The following BLCAP variants were observed in gnomAD, a reference collection of about 807,000 sequenced individuals.
BLCAP encodes the protein BLCAP apoptosis inducing factor.
In BLCAP, 1 loss-of-function variant was observed where a neutral mutation model predicts 5.7. That is an observed-to-expected ratio of 0.18 (90% CI 0.06 to 0.83). BLCAP has a LOEUF of 0.83. BLCAP is among the 40% of genes least tolerant of loss of function. The pLI is 0.71. For synonymous variants in BLCAP, 48 were observed against 49.4 expected, an observed-to-expected ratio of 0.97 and a Z score of 0.11; for missense variants, 66 against 107.6, an observed-to-expected ratio of 0.61 and a Z score of 1.71.
chr20:37,524,606 G>C (rs1198819168), intron 1 of BLCAP: 2 of 152,272 alleles, frequency 1.3e-5, no homozygotes, highest in African/African-American at 4.8e-5. Flanking sequence ...GGAGTTGGAG[G>C]GCCATAAATC....
intron 1 of BLCAP, among the ~76,000 whole-genome samples, chr20:37,526,432 T>A (rs77381078): frequency 0.021 from 3,237 of 152,128 alleles, 115 homozygotes; most frequent in East Asian, 0.093. Flanking sequence ...CTGGGAGTGA[T>A]CCTGTTTATC....
intron 1 of BLCAP, among the ~76,000 whole-genome samples, chr20:37,519,701 C>T (rs1201166153): frequency 6.6e-6 from 1 of 152,176 alleles, no homozygotes; most frequent in African/African-American, 2.4e-5. Flanking sequence ...GGCTGCAGCC[C>T]GTCCTCAAGG....
At chr20:37,526,278 C>CG (rs986644879) in intron 1 of BLCAP, among the ~76,000 whole-genome samples, 1 of 148,178 alleles carries the variant, frequency 6.7e-6, no homozygotes, top group Non-Finnish European at 1.5e-5. Context: ...ACTTCCCCCC[C>CG]CCACCGCCCC....
In BLCAP at chr20:37,521,256, C is replaced by A; in HGVS notation, c.-176-1906G>T. On this transcript the variant is annotated intron_variant, in intron 1 of 1. Coordinates refer to ENST00000373537, the MANE Select transcript of BLCAP (RefSeq NM_006698.4). This position sits in a 1 kb window ranked among gnomAD's most constrained non-coding sequence, Gnocchi z 4.5. ...CGGCCACCGCGGCTGCGGCAGTGCG[C>A]CCAACAGCGGACTCCGAGACCAGCG... 1 of 1,502,320 alleles carries A rather than the reference C, an allele frequency of 6.7e-7. No homozygotes were observed. Among genetic ancestry groups the A allele is most frequent in the Non-Finnish European group, 9.3e-7 (1 of 1,079,538 alleles). 93.1% of individuals were successfully genotyped at this position (1,502,320 alleles called of 1,614,324 possible). A position where few individuals can be genotyped will look rare whatever the true frequency, so the allele number is the denominator to read the frequency against.
chr20:37,517,706 C>T lies in BLCAP; in HGVS notation c.*1205G>A, dbSNP rs139124288. The T allele has an allele frequency of 1.4e-3, 211 of 152,736 alleles. 2 individuals are homozygous for T. Among genetic ancestry groups the T allele is most frequent in the African/African-American group, 4.8e-3 (198 of 41,570 alleles). The allele number at this position is 152,736 out of a possible 1,614,324, so 9.5% of individuals were successfully genotyped here. A position where few individuals can be genotyped will look rare whatever the true frequency, so the allele number is the denominator to read the frequency against. ...TGTTACTGAAGCGCAGAAAAAGCAG[C>T]AAGTGACAGTCACAAAGTCTTCCTG... On this transcript the variant is annotated 3_prime_UTR_variant, in exon 2 of 2. Coordinates refer to ENST00000373537, the MANE Select transcript of BLCAP (RefSeq NM_006698.4).
At position 37,518,544 on chromosome 20, in the gene BLCAP, G is replaced by A; in HGVS notation, c.*367C>T. 1 of 203,766 alleles carries A rather than the reference G, an allele frequency of 4.9e-6. No homozygotes were observed. Among genetic ancestry groups the A allele is most frequent in the Non-Finnish European group, 1.0e-5 (1 of 98,968 alleles). 12.6% of individuals were successfully genotyped at this position (203,766 alleles called of 1,614,324 possible). A position where few individuals can be genotyped will look rare whatever the true frequency, so the allele number is the denominator to read the frequency against. ...AAGGAAGGAGACCCTGACAAGGAGGGGTCACAGAGGTGACAATGAGACTGG... is the reference window on the plus strand; with the variant it reads ...AAGGAAGGAGACCCTGACAAGGAGGAGTCACAGAGGTGACAATGAGACTGG... On this transcript the variant is annotated 3_prime_UTR_variant, in exon 2 of 2. Coordinates refer to ENST00000373537, the MANE Select transcript of BLCAP (RefSeq NM_006698.4).
At position 37,521,385 on chromosome 20, in the gene BLCAP, C is replaced by G; in HGVS notation, c.-176-2035G>C. On this transcript the variant is annotated intron_variant, in intron 1 of 1. Transcript: ENST00000373537. This position sits in a 1 kb window ranked among gnomAD's most constrained non-coding sequence, Gnocchi z 4.5. ...AACTGCTCATCATCGGCTGGTACAT[C>G]TTCCGCGTGCTGCTGCAGGTAAGTC... 1.2e-6 allele frequency: 2 copies of G among 1,614,120 alleles called. No individual in the cohort carries two copies. Among genetic ancestry groups the G allele is most frequent in the Non-Finnish European group, 1.7e-6 (2 of 1,179,970 alleles).
At chr20:37,525,460 A>C (rs1568688385) in intron 1 of BLCAP, among the ~76,000 whole-genome samples, 1 of 152,184 alleles carries the variant, frequency 6.6e-6, no homozygotes, top group African/African-American at 2.4e-5. Context: ...CTTTTCCTCC[A>C]TCCGTCCATC....
At chr20:37,525,450 C>T (rs1246480438) in intron 1 of BLCAP, among the ~76,000 whole-genome samples, 3 of 152,320 alleles carry the variant, frequency 2.0e-5, no homozygotes, top group South Asian at 4.1e-4. Flanking sequence ...TGGCAAAGCC[C>T]TTTTCCTCCA....
Position 37,521,538 on chromosome 20 carries a change from C to A in BLCAP, c.-176-2188G>T. On this transcript the variant is annotated intron_variant, in intron 1 of 1. Coordinates refer to ENST00000373537, the MANE Select transcript of BLCAP (RefSeq NM_006698.4). This position sits in a 1 kb window ranked among gnomAD's most constrained non-coding sequence, Gnocchi z 4.5. ...GCGATCCTTGCCTGCCCAAGTGCCG[C>A]TGCCGGCACCGCGCGCCCCCTGCCC... The A allele has an allele frequency of 1.1e-6, 1 of 881,908 alleles. No homozygotes were observed. The highest frequency in any genetic ancestry group is 1.5e-5 in the South Asian group (1 of 66,374). The allele number at this position is 881,908 out of a possible 1,614,324, so 54.6% of individuals were successfully genotyped here.
In BLCAP at chr20:37,521,065, G is replaced by C. The variant is rs192185370; in HGVS notation, c.-176-1715C>G. 16 of 528,654 alleles carry C rather than the reference G, an allele frequency of 3.0e-5. No individual in the cohort carries two copies. In the Admixed American group the frequency reaches 3.3e-4, roughly 11 times the overall value. 32.7% of individuals were successfully genotyped at this position (528,654 alleles called of 1,614,324 possible). ...AAAGCAAGCACGGCGGAATCTTCTG[G>C]AAGGGGGCTAAGATGGAACTCAGGA... On this transcript the variant is annotated intron_variant, in intron 1 of 1. Coordinates refer to ENST00000373537, the MANE Select transcript of BLCAP (RefSeq NM_006698.4). The surrounding 1 kb of genome is among the most constrained non-coding windows in gnomAD (Gnocchi z 4.5).
At chr20:37,522,660 G>C (rs1320498608) in intron 1 of BLCAP, 3 of 1,608,396 alleles carry the variant, frequency 1.9e-6, no homozygotes, top group Non-Finnish European at 2.5e-6. Context: ...TGGGTTTCTC[G>C]TCGCAGGTGT....
chr20:37,525,665 C>T (rs1045930961), intron 1 of BLCAP, among the ~76,000 whole-genome samples: 10 of 152,214 alleles, frequency 6.6e-5, no homozygotes, highest in Non-Finnish European at 1.5e-4. Flanking sequence ...CCATCCAGTG[C>T]AATGCCATGC....
At chr20:37,522,908 A>C in intron 1 of BLCAP, 2 of 620,420 alleles carry the variant, frequency 3.2e-6, no homozygotes, top group East Asian at 2.9e-5. Context: ...GGGCCAGTAG[A>C]CCCCCGGAGA....
At chr20:37,524,834 T>C (rs1312454822) in intron 1 of BLCAP, among the ~76,000 whole-genome samples, 4 of 152,162 alleles carry the variant, frequency 2.6e-5, no homozygotes, top group Non-Finnish European at 1.5e-5. Context: ...GGTTCTGGTC[T>C]TGACTTTGCC....
At position 37,521,621 on chromosome 20, in the gene BLCAP, G is replaced by C; in HGVS notation, c.-176-2271C>G. The C allele has an allele frequency of 1.8e-6, 1 of 561,354 alleles. No individual in the cohort carries two copies. The highest frequency in any genetic ancestry group is 3.2e-6 in the Non-Finnish European group (1 of 314,912). The allele number at this position is 561,354 out of a possible 1,614,324, so 34.8% of individuals were successfully genotyped here. On this transcript the variant is annotated intron_variant, in intron 1 of 1. Transcript: ENST00000373537. The surrounding 1 kb of genome is among the most constrained non-coding windows in gnomAD (Gnocchi z 4.5). ...CCCTAGTGCGCCCGCGCCTGCCAGG[G>C]AACAAAGACTCGGGGCGCGGCGGGC...
chr20:37,525,463 C>T (rs761274283), intron 1 of BLCAP, among the ~76,000 whole-genome samples: 7 of 152,204 alleles, frequency 4.6e-5, no homozygotes, highest in Non-Finnish European at 8.8e-5. Context: ...TTCCTCCATC[C>T]GTCCATCAGC....
At position 37,517,845 on chromosome 20, in the gene BLCAP, C is replaced by G. The variant is rs770983647; in HGVS notation, c.*1066G>C. The G allele has an allele frequency of 3.3e-5, 5 of 152,672 alleles. No individual in the cohort carries two copies. Among genetic ancestry groups the G allele is most frequent in the Admixed American group, 6.5e-5 (1 of 15,282 alleles). The allele number at this position is 152,672 out of a possible 1,614,324, so 9.5% of individuals were successfully genotyped here. A position where few individuals can be genotyped will look rare whatever the true frequency, so the allele number is the denominator to read the frequency against. On this transcript the variant is annotated 3_prime_UTR_variant, in exon 2 of 2. Coordinates refer to ENST00000373537, the MANE Select transcript of BLCAP (RefSeq NM_006698.4). Reference sequence around the variant, plus strand: ...CTGAACCACCTCGGAGTCCAGTGTGCTGGTCACTCTGCAATCCCCATGCTA... The same window carrying G: ...CTGAACCACCTCGGAGTCCAGTGTGGTGGTCACTCTGCAATCCCCATGCTA...
At chr20:37,522,986 G>A (rs1672067890) in intron 1 of BLCAP, 2 of 489,382 alleles carry the variant, frequency 4.1e-6, no homozygotes, top group Admixed American at 3.7e-5. Flanking sequence ...CCACTAAGGG[G>A]CAGGGTCGAG....
Sources: allele counts gnomAD v4.1 joint callset (sites outside exome capture counted in the v4.1 genomes callset), GRCh38; gene constraint gnomAD v4.1.1; non-coding constraint Gnocchi (gnomAD v3.1); transcripts MANE v1.5; gene names NCBI Gene and HGNC (gene_info 2026-07-23, HGNC 2026-07-21).